Variants in TRPM3 observed in about 807,000 individuals in gnomAD.
The protein encoded by TRPM3 is transient receptor potential cation channel subfamily M member 3.
A neutral mutation model predicts 181.2 loss-of-function variants in TRPM3; 77 were observed. The ratio of observed to expected loss-of-function variants is 0.42; its 90% CI spans 0.35 to 0.51. The LOEUF is 0.51. Among genes scored for constraint, TRPM3 ranks in the 20% least tolerant of loss-of-function variants. TRPM3 has a pLI of 0.01. For synonymous variants in TRPM3, 745 were observed against 796.4 expected (o/e 0.94, Z 1.09); for missense variants, 1,759 against 2,196.7 (o/e 0.80, Z 3.98).
At chr9:71,103,984 G>A (rs1460933285) in intron 1 of TRPM3, among the ~76,000 whole-genome samples, 3 of 151,578 alleles carry the variant, frequency 2.0e-5, no homozygotes, top group South Asian at 2.1e-4. Context: ...GTGCAATCTC[G>A]GCTAACTGCA....
intron 9 of TRPM3, among the ~76,000 whole-genome samples, chr9:70,665,459 T>A (rs1363953045): frequency 6.6e-6 from 1 of 152,178 alleles, no homozygotes; most frequent in Non-Finnish European, 1.5e-5. Flanking sequence ...GGCCTTACGA[T>A]GAATAACATT....
intron 1 of TRPM3, among the ~76,000 whole-genome samples, chr9:71,237,579 G>C (rs1281134906): frequency 6.6e-6 from 1 of 152,058 alleles, no homozygotes; most frequent in Non-Finnish European, 1.5e-5. Context: ...TTTTTTTAAA[G>C]TTTTGATACC....
chr9:71,420,721 AAGAGAGAG>A (rs760245264), intron 1 of TRPM3, among the ~76,000 whole-genome samples: 12 of 76,658 alleles, frequency 1.6e-4, no homozygotes, highest in African/African-American at 7.4e-4. Context: ...GAAAGAGAGA[AAGAGAGAG>A]AGAGAGAAAG....
chr9:70,908,660 G>T (rs1043939780), intron 1 of TRPM3, among the ~76,000 whole-genome samples: 1 of 152,206 alleles, frequency 6.6e-6, no homozygotes, highest in Non-Finnish European at 1.5e-5. Context: ...ATCCCAGGGA[G>T]AGATTCAAAT....
chr9:70,843,866 T>C (rs6560159), intron 4 of TRPM3, among the ~76,000 whole-genome samples: 86,081 of 151,874 alleles, frequency 0.57, 24,752 homozygotes, highest in Non-Finnish European at 0.58. Flanking sequence ...TATAGGAAGA[T>C]GTATAAGATA....
chr9:71,183,901 T>C lies in TRPM3; in HGVS notation c.183+262752A>G, dbSNP rs189814282. 1.3e-3 allele frequency among the ~76,000 whole-genome samples: 203 copies of C among 152,228 alleles called. 2 individuals are homozygous for C. The highest frequency in any genetic ancestry group is 4.6e-3 in the African/African-American group (193 of 41,546). On this transcript the variant is annotated intron_variant, in intron 1 of 24. Coordinates refer to the TRPM3 transcript ENST00000357533. ...AGTAGAAGAAAGCACGGTTAAAATC[T>C]TTCAGGCCTCACTCATTTGCCCGTT...
intron 1 of TRPM3, among the ~76,000 whole-genome samples, chr9:70,871,441 A>G (rs1280985962): frequency 1.3e-5 from 2 of 151,774 alleles, no homozygotes; most frequent in Non-Finnish European, 2.9e-5. Flanking sequence ...TTTTCCCTTT[A>G]TAAAGATAAA....
intron 1 of TRPM3, among the ~76,000 whole-genome samples, chr9:71,048,664 C>T (rs2059733528): frequency 1.3e-5 from 2 of 152,188 alleles, no homozygotes. Context: ...TGATTTGAAT[C>T]TACTCTGTTT....
chr9:70,552,773 C>T, intron 24 of TRPM3, 71 bp downstream of exon 24: 1 of 1,537,766 alleles, frequency 6.5e-7, no homozygotes, highest in Non-Finnish European at 9.0e-7. Flanking sequence ...GCATGCGATT[C>T]TGCGTGATTG....
chr9:71,121,708 G>T (rs375924471), upstream of TRPM3: 110 of 929,682 alleles, frequency 1.2e-4, no homozygotes, highest in African/African-American at 1.7e-3. Flanking sequence ...AGCTTGGTTT[G>T]GGGGGGAGCC....
chr9:71,426,987 A>G (rs1348268183), intron 1 of TRPM3, among the ~76,000 whole-genome samples: 1 of 152,186 alleles, frequency 6.6e-6, no homozygotes, highest in Admixed American at 6.5e-5. Context: ...ATGAAACTAG[A>G]TTTTAGACAT....
At chr9:71,258,658 T>C (rs1056946617) in intron 1 of TRPM3, among the ~76,000 whole-genome samples, 69 of 152,348 alleles carry the variant, frequency 4.5e-4, no homozygotes, top group African/African-American at 1.5e-3. Flanking sequence ...CATATGTTCC[T>C]GTGCGATTGC....
At chr9:70,584,377 T>C (rs1023681458) in intron 22 of TRPM3, among the ~76,000 whole-genome samples, 5 of 152,254 alleles carry the variant, frequency 3.3e-5, no homozygotes, top group Admixed American at 2.0e-4. Flanking sequence ...CCACTGTTTT[T>C]CACTCTTGTG....
chr9:70,792,572 G>A (rs1374268065), intron 6 of TRPM3, among the ~76,000 whole-genome samples: 1 of 151,528 alleles, frequency 6.6e-6, no homozygotes, highest in Non-Finnish European at 1.5e-5. Context: ...AAGAGAGGAA[G>A]AGAGAATAAA....
intron 1 of TRPM3, among the ~76,000 whole-genome samples, chr9:71,253,981 G>A (rs1417135864): frequency 6.6e-6 from 1 of 152,252 alleles, no homozygotes; most frequent in Admixed American, 6.5e-5. Context: ...GTGCAGTGGT[G>A]CGATCTTGGC....
intron 1 of TRPM3, among the ~76,000 whole-genome samples, chr9:71,133,823 A>G (rs957582215): frequency 6.6e-6 from 1 of 152,176 alleles, no homozygotes; most frequent in Non-Finnish European, 1.5e-5. Flanking sequence ...TGCTGAAGAA[A>G]GGTCATTTCC....
chr9:70,930,401 T>A (rs369419081), intron 1 of TRPM3, among the ~76,000 whole-genome samples: 2 of 152,336 alleles, frequency 1.3e-5, no homozygotes, highest in African/African-American at 4.8e-5. Context: ...AAATTATTTA[T>A]CTGGGTGAAG....
At chr9:70,577,426 C>T (rs2054322432) in intron 22 of TRPM3, among the ~76,000 whole-genome samples, 1 of 152,232 alleles carries the variant, frequency 6.6e-6, no homozygotes, top group South Asian at 2.1e-4. Flanking sequence ...TCTTTAACCT[C>T]TGTTCTTCAT....
At chr9:71,405,507 G>A (rs2093420787) in intron 1 of TRPM3, among the ~76,000 whole-genome samples, 1 of 151,984 alleles carries the variant, frequency 6.6e-6, no homozygotes, top group African/African-American at 2.4e-5. Context: ...TCATACACAT[G>A]ATTTTTTCCT....
Sources: gnomAD v4.1 joint callset for allele counts (sites outside exome capture counted in the v4.1 genomes callset) on GRCh38, gnomAD v4.1.1 for gene constraint, MANE v1.5 for transcripts, NCBI Gene and HGNC (gene_info 2026-07-23, HGNC 2026-07-21) for gene names.